NRG1: variants seen among roughly 807,000 people sequenced by gnomAD.
NRG1 encodes pro-neuregulin-1, membrane-bound isoform.
In NRG1, 18 loss-of-function variants were observed where a neutral mutation model predicts 63.8. The ratio of observed to expected loss-of-function variants is 0.28; its 90% CI spans 0.19 to 0.42. The LOEUF (loss-of-function observed/expected upper bound fraction) is 0.42, where lower values mean the gene tolerates loss of function less well. NRG1 is among the 10% of genes least tolerant of loss of function. The probability of loss-of-function intolerance (pLI) is 1.00; values close to 1 mark genes in which losing one functional copy is unlikely to be tolerated. For synonymous variants in NRG1, 302 were observed against 301.3 expected (o/e 1.00, Z -0.02); for missense variants, 762 against 814.7 (o/e 0.94, Z 0.79).
At chr8:31,680,710 C>T (rs1053133957) in intron 1 of NRG1, among the ~76,000 whole-genome samples, 2 of 151,990 alleles carry the variant, frequency 1.3e-5, no homozygotes, top group South Asian at 2.1e-4. Flanking sequence ...CCTGAGGAAT[C>T]GCCACACTGA....
chr8:31,899,913 G>T (rs775603643), intron 1 of NRG1, among the ~76,000 whole-genome samples: 1 of 152,164 alleles, frequency 6.6e-6, no homozygotes, highest in African/African-American at 2.4e-5. Context: ...CTGGTCATCG[G>T]TTTTTCTAAA....
chr8:32,756,931 G>A (rs1006713046), intron 9 of NRG1, among the ~76,000 whole-genome samples: 1 of 152,130 alleles, frequency 6.6e-6, no homozygotes. Flanking sequence ...CGAGCAAAGA[G>A]CTTTAGAGTT....
chr8:32,608,667 C>T (rs1442344359), intron 3 of NRG1, among the ~76,000 whole-genome samples: 1 of 148,814 alleles, frequency 6.7e-6, no homozygotes, highest in Admixed American at 7.0e-5. Context: ...GAATTGTATG[C>T]TGAGCATCTC....
chr8:32,391,341 C>T (rs531375664), intron 1 of NRG1, among the ~76,000 whole-genome samples: 1 of 151,890 alleles, frequency 6.6e-6, no homozygotes, highest in Non-Finnish European at 1.5e-5. Flanking sequence ...GTCATGTTGC[C>T]CAGTCTGGAA....
At chr8:32,549,180 G>A (rs1466904380) in intron 1 of NRG1, among the ~76,000 whole-genome samples, 1 of 152,232 alleles carries the variant, frequency 6.6e-6, no homozygotes, top group African/African-American at 2.4e-5. Context: ...TCGAGGCTGC[G>A]TGCGCGCGTG....
chr8:32,767,748 TTTC>T (rs1323983257), exon 12 of NRG1: 3 of 152,288 alleles, frequency 2.0e-5, no homozygotes, highest in South Asian at 2.1e-4. Context: ...ATCTTTTCCT[TTTC>T]TTTTTTTTAA....
intron 1 of NRG1, among the ~76,000 whole-genome samples, chr8:32,387,688 AAACAATT>A (rs1811191307): frequency 6.6e-6 from 1 of 151,854 alleles, no homozygotes; most frequent in Admixed American, 6.6e-5. Flanking sequence ...CCTTTTCCTA[AAACAATT>A]AAGCTTTTAG....
chr8:31,956,721 T>C (rs179128), intron 1 of NRG1, among the ~76,000 whole-genome samples: 129,331 of 152,272 alleles, frequency 0.85, 55,779 homozygotes, highest in African/African-American at 0.96. Context: ...AGATGGGGGT[T>C]CTTGTAAGCA....
At chr8:32,271,846 A>G (rs946610051) in intron 1 of NRG1, among the ~76,000 whole-genome samples, 1 of 152,120 alleles carries the variant, frequency 6.6e-6, no homozygotes, top group African/African-American at 2.4e-5. Flanking sequence ...GGAGTCAGAA[A>G]AGGCCCTGAA....
chr8:31,694,646 A>T (rs925515642), intron 1 of NRG1, among the ~76,000 whole-genome samples: 3 of 152,092 alleles, frequency 2.0e-5, no homozygotes, highest in Non-Finnish European at 2.9e-5. Context: ...TATGACTGGG[A>T]ACGTGTGAAA....
intron 1 of NRG1, among the ~76,000 whole-genome samples, chr8:32,187,064 C>A (rs1487767482): frequency 6.6e-6 from 1 of 152,084 alleles, no homozygotes; most frequent in Non-Finnish European, 1.5e-5. Flanking sequence ...AAATTTTTCA[C>A]AGTGTTTTCA....
Position 31,945,823 on chromosome 8 carries a change from C to T in NRG1, c.37+306392C>T, listed in dbSNP as rs1802458020. ...TTATTTGATCCCAAGATCTGTAACTCCTCTCAGACCATCTGCATTATTTCT... is the reference window on the plus strand; with the variant it reads ...TTATTTGATCCCAAGATCTGTAACTTCTCTCAGACCATCTGCATTATTTCT... On this transcript the variant is annotated intron_variant, in intron 1 of 10. Coordinates refer to the NRG1 transcript ENST00000519301. 2.6e-5 allele frequency among the ~76,000 whole-genome samples: 4 copies of T among 152,190 alleles called. 1 individual carries two copies. The highest frequency in any genetic ancestry group is 2.6e-4 in the Admixed American group (4 of 15,286).
chr8:32,064,940 G>C (rs1824501973), intron 1 of NRG1, among the ~76,000 whole-genome samples: 1 of 152,082 alleles, frequency 6.6e-6, no homozygotes, highest in Non-Finnish European at 1.5e-5. Flanking sequence ...ATTTGACTTG[G>C]AAAGCACCAC....
intron 1 of NRG1, among the ~76,000 whole-genome samples, chr8:31,726,310 G>A (rs140193455): frequency 6.6e-6 from 1 of 152,238 alleles, no homozygotes; most frequent in East Asian, 1.9e-4. Flanking sequence ...GAAGTATTAG[G>A]TTAGACTGTA....
chr8:32,763,199 G>C (rs1831022454), intron 11 of NRG1: 1 of 1,611,518 alleles, frequency 6.2e-7, no homozygotes, highest in Non-Finnish European at 8.5e-7. Flanking sequence ...AAGTTACTAT[G>C]CTCTTTTTTT....
chr8:32,362,299 C>G (rs1300879142), intron 1 of NRG1, among the ~76,000 whole-genome samples: 2 of 152,156 alleles, frequency 1.3e-5, no homozygotes, highest in Admixed American at 1.3e-4. Flanking sequence ...CTATTTAGCA[C>G]ATACTAAATA....
intron 1 of NRG1, among the ~76,000 whole-genome samples, chr8:31,980,865 C>A (rs1176646792): frequency 1.3e-5 from 2 of 151,790 alleles, no homozygotes; most frequent in Admixed American, 1.3e-4. Flanking sequence ...GGGAGAATAA[C>A]ACGTTGATAT....
intron 1 of NRG1, among the ~76,000 whole-genome samples, chr8:31,840,747 C>T (rs1826124375): frequency 6.6e-6 from 1 of 152,114 alleles, no homozygotes; most frequent in South Asian, 2.1e-4. Flanking sequence ...CAGTGGATGT[C>T]CTGCAGTCCA....
exon 2 of NRG1, chr8:32,595,887 G>T (rs764980982): frequency 1.9e-6 from 3 of 1,613,560 alleles, no homozygotes; most frequent in Non-Finnish European, 2.5e-6. Flanking sequence ...TTCCAAACTA[G>T]TCCTTCGGTG....
Sources: allele counts gnomAD v4.1 joint callset (sites outside exome capture counted in the v4.1 genomes callset), GRCh38; gene constraint gnomAD v4.1.1; transcripts MANE v1.5; gene names NCBI Gene and HGNC (gene_info 2026-07-23, HGNC 2026-07-21).